The following NCAM2 variants were observed in gnomAD, a reference collection of about 807,000 sequenced individuals.
NCAM2 encodes the protein neural cell adhesion molecule 2.
Under a neutral mutation model 98.1 loss-of-function variants are expected in NCAM2, and 30 were observed. The ratio of observed to expected loss-of-function variants is 0.31; its 90% CI spans 0.23 to 0.41. The LOEUF (loss-of-function observed/expected upper bound fraction) is 0.41, where lower values mean the gene tolerates loss of function less well. Among genes scored for constraint, NCAM2 ranks in the 10% least tolerant of loss-of-function variants. The pLI is 1.00. For missense variants in NCAM2, 867 were observed against 1,005.8 expected (o/e 0.86, Z 1.87); for synonymous variants, 368 against 342.4 (o/e 1.07, Z -0.83).
intron 8 of NCAM2, among the ~76,000 whole-genome samples, chr21:21,367,276 G>A (rs1471975582): frequency 6.6e-6 from 1 of 151,754 alleles, no homozygotes; most frequent in Non-Finnish European, 1.5e-5. Flanking sequence ...CTAAAGTTTT[G>A]TTACATCGAT....
At chr21:21,227,197 G>A (rs948217986) in intron 1 of NCAM2, among the ~76,000 whole-genome samples, 4 of 151,644 alleles carry the variant, frequency 2.6e-5, no homozygotes, top group African/African-American at 9.7e-5. Context: ...GACTGGAAAA[G>A]AAAAATAATA....
chr21:21,265,668 C>G (rs946650094), intron 1 of NCAM2, among the ~76,000 whole-genome samples: 1 of 151,300 alleles, frequency 6.6e-6, no homozygotes, highest in Admixed American at 6.6e-5. Context: ...AACAGAAAAA[C>G]AAATGCCACA....
At chr21:21,204,709 C>CA (rs1568764945) in intron 1 of NCAM2, among the ~76,000 whole-genome samples, 1 of 152,118 alleles carries the variant, frequency 6.6e-6, no homozygotes, top group African/African-American at 2.4e-5. Context: ...ACTGCTGATA[C>CA]ATCTACTCTC....
intron 6 of NCAM2, among the ~76,000 whole-genome samples, chr21:21,328,146 T>G (rs1026771232): frequency 6.6e-6 from 1 of 152,192 alleles, no homozygotes; most frequent in Non-Finnish European, 1.5e-5. Context: ...AAGATTATAA[T>G]GGAGCTGAAA....
intron 9 of NCAM2, among the ~76,000 whole-genome samples, chr21:21,381,612 C>T (rs1156480374): frequency 1.3e-5 from 2 of 152,082 alleles, no homozygotes; most frequent in Non-Finnish European, 2.9e-5. Flanking sequence ...TGACACTTTA[C>T]ATAAAATGTG....
intron 1 of NCAM2, among the ~76,000 whole-genome samples, chr21:21,173,818 G>T (rs189168613): frequency 6.6e-6 from 1 of 152,162 alleles, no homozygotes; most frequent in African/African-American, 2.4e-5. Flanking sequence ...GATGAAAATT[G>T]AGGCTACAGC....
At chr21:21,167,860 G>A (rs1601549915) in intron 1 of NCAM2, among the ~76,000 whole-genome samples, 1 of 152,014 alleles carries the variant, frequency 6.6e-6, no homozygotes, top group East Asian at 1.9e-4. Context: ...AAGTTCATGG[G>A]TGAATTATAC....
intron 1 of NCAM2, among the ~76,000 whole-genome samples, chr21:21,126,750 TATC>T (rs2066834425): frequency 2.6e-5 from 4 of 152,038 alleles, no homozygotes; most frequent in Admixed American, 2.6e-4. Flanking sequence ...TCAAATAAAA[TATC>T]AGTGTGTTTG....
intron 9 of NCAM2, among the ~76,000 whole-genome samples, chr21:21,379,381 T>G (rs2076101428): frequency 1.3e-5 from 2 of 152,210 alleles, no homozygotes; most frequent in South Asian, 4.1e-4. Flanking sequence ...AATTCTTATT[T>G]TCTAATAGAA....
intron 1 of NCAM2, among the ~76,000 whole-genome samples, chr21:21,149,383 C>T (rs1189934692): frequency 6.6e-6 from 1 of 152,122 alleles, no homozygotes; most frequent in African/African-American, 2.4e-5. Context: ...CTTTTAACTT[C>T]AGGAACTTTG....
intron 12 of NCAM2, among the ~76,000 whole-genome samples, chr21:21,458,347 G>A (rs1424578183): frequency 6.6e-6 from 1 of 152,222 alleles, no homozygotes; most frequent in Non-Finnish European, 1.5e-5. Context: ...CCTCCACGTG[G>A]ATTTCAGAGG....
At chr21:21,265,084 A>G (rs1430128641) in intron 1 of NCAM2, among the ~76,000 whole-genome samples, 1 of 104,938 alleles carries the variant, frequency 9.5e-6, no homozygotes, top group Non-Finnish European at 1.9e-5. Flanking sequence ...ATATACACAC[A>G]TATATTATAT....
chr21:21,159,578 C>T lies in NCAM2; in HGVS notation c.56-121000C>T, dbSNP rs1416268130. 2.6e-5 allele frequency among the ~76,000 whole-genome samples: 4 copies of T among 152,136 alleles called. No individual in the cohort carries two copies. The East Asian group carries it at 7.7e-4, about 29-fold the overall frequency. Reference sequence around the variant, plus strand: ...TTGCCTCCAGTATTTAGTATACTAACATGCTATACGTGTTTATAGCCTAGG... The same window carrying T: ...TTGCCTCCAGTATTTAGTATACTAATATGCTATACGTGTTTATAGCCTAGG... On this transcript the variant is annotated intron_variant, in intron 1 of 17. Coordinates refer to ENST00000400546, the MANE Select transcript of NCAM2 (RefSeq NM_004540.5).
Position 21,317,800 on chromosome 21 carries a change from G to T in NCAM2, c.620-6583G>T, listed in dbSNP as rs530762323. 2.6e-5 allele frequency among the ~76,000 whole-genome samples: 4 copies of T among 152,112 alleles called. No homozygotes were observed. In the East Asian group the frequency reaches 7.7e-4, roughly 29 times the overall value. ...TTCTCCTGCCTCAGCCTCCCAGATC[G>T]CTGGGATTACAGGTGCGAGCCACCA... On this transcript the variant is annotated intron_variant, in intron 5 of 17. Transcript: ENST00000400546.
chr21:21,259,660 A>C (rs1457246095), intron 1 of NCAM2, among the ~76,000 whole-genome samples: 2 of 152,108 alleles, frequency 1.3e-5, no homozygotes, highest in Admixed American at 1.3e-4. Context: ...ATGTGATAGG[A>C]TTACTGAGAC....
chr21:21,088,889 T>G (rs2065956724), intron 1 of NCAM2, among the ~76,000 whole-genome samples: 2 of 151,864 alleles, frequency 1.3e-5, no homozygotes, highest in Non-Finnish European at 2.9e-5. Context: ...GGAGAATGGC[T>G]TGAACTCGGG....
chr21:21,218,377 G>A (rs1208706137), intron 1 of NCAM2, among the ~76,000 whole-genome samples: 1 of 151,998 alleles, frequency 6.6e-6, no homozygotes, highest in Non-Finnish European at 1.5e-5. Context: ...CAATACGGAG[G>A]GCCACAAACT....
At chr21:21,019,623 A>AT (rs2064386171) in intron 1 of NCAM2, among the ~76,000 whole-genome samples, 1 of 152,216 alleles carries the variant, frequency 6.6e-6, no homozygotes, top group South Asian at 2.1e-4. Flanking sequence ...AATAGAGCCA[A>AT]TTTATAATTA....
At position 21,082,097 on chromosome 21, in the gene NCAM2, A is replaced by G. The variant is rs915783606; in HGVS notation, c.55+83479A>G. Reference sequence around the variant, plus strand: ...ACAAAAATTAGCCGGGCGTGGTGGCAGGCGCATGTAGTCCCAACTACTCGG... The same window carrying G: ...ACAAAAATTAGCCGGGCGTGGTGGCGGGCGCATGTAGTCCCAACTACTCGG... On this transcript the variant is annotated intron_variant, in intron 1 of 17. Coordinates refer to ENST00000400546, the MANE Select transcript of NCAM2 (RefSeq NM_004540.5). 5.3e-5 allele frequency among the ~76,000 whole-genome samples: 8 copies of G among 151,450 alleles called. No individual in the cohort carries two copies. In the South Asian group the frequency reaches 6.3e-4, roughly 12 times the overall value.
Sources: gnomAD v4.1 joint callset for allele counts (sites outside exome capture counted in the v4.1 genomes callset) on GRCh38, gnomAD v4.1.1 for gene constraint, MANE v1.5 for transcripts, NCBI Gene and HGNC (gene_info 2026-07-23, HGNC 2026-07-21) for gene names.